Variants in DNHD1 observed in about 807,000 individuals in gnomAD.
DNHD1 encodes the protein dynein heavy chain domain-containing protein 1.
In DNHD1, 383 loss-of-function variants were observed where a neutral mutation model predicts 458.1. That is an observed-to-expected ratio of 0.84 (90% CI 0.77 to 0.91). The LOEUF is 0.91. DNHD1 is among the 40% of genes least tolerant of loss of function. The pLI is 0.00. For missense variants in DNHD1, 5,336 were observed against 5,866.1 expected (o/e 0.91, Z 2.95); for synonymous variants, 2,203 against 2,376.9 (o/e 0.93, Z 2.13).
chr11:6,528,410 T>C (rs1852757026), intron 10 of DNHD1, 112 bp from the exon 11 acceptor site: 107 of 989,220 alleles, frequency 1.1e-4, no homozygotes, highest in Non-Finnish European at 1.4e-4. Context: ...AATGGGTGTG[T>C]GTGTGTGTGT....
chr11:6,525,193 C>G (rs1852686142), intron 10 of DNHD1, among the ~76,000 whole-genome samples: 1 of 152,188 alleles, frequency 6.6e-6, no homozygotes, highest in African/African-American at 2.4e-5. Flanking sequence ...AGCTCTGTGT[C>G]TGACTCTCAC....
In DNHD1 at chr11:6,565,838, C is replaced by A; in HGVS notation, c.10900C>A (p.Gln3634Lys). Residue 3634 changes from glutamine to lysine, a missense_variant, in exon 33 of 43, where the codon CAA (glutamine) becomes AAA (lysine). Gln to Lys is a moderately conservative substitution (Grantham distance 53). This residue lies in a region of DNHD1 where 695 missense variants were observed against 804.2 expected (regional missense o/e 0.86). Coordinates refer to ENST00000254579, the MANE Select transcript of DNHD1 (RefSeq NM_144666.3). ...EERKNEQEKE[Q>K]EENEEKEEEK... ...AAGAAAAAATGAGCAGGAGAAAGAG[C>A]AAGAGGAAAATGAAGAGAAAGAGGA... 6.4e-7 allele frequency: 1 copy of A among 1,551,624 alleles called. No homozygotes were observed. Among genetic ancestry groups the A allele is most frequent in the Non-Finnish European group, 8.7e-7 (1 of 1,146,992 alleles).
chr11:6,562,534 T>C (rs187778769), intron 28 of DNHD1, among the ~76,000 whole-genome samples: 4 of 151,244 alleles, frequency 2.6e-5, no homozygotes, highest in African/African-American at 9.7e-5. Context: ...TCTGAAAAAA[T>C]TGATGAGGAA....
At chr11:6,529,528 G>C (rs541513714) in intron 12 of DNHD1, among the ~76,000 whole-genome samples, 21 of 152,208 alleles carry the variant, frequency 1.4e-4, no homozygotes, top group Non-Finnish European at 2.8e-4. Context: ...TCTACTGGTA[G>C]TGAAAGAATG....
At chr11:6,566,847 G>C in intron 35 of DNHD1, 48 bp from the exon 36 acceptor site, 1 of 1,599,596 alleles carries the variant, frequency 6.3e-7, no homozygotes. Flanking sequence ...TAGATGTTTG[G>C]GGTCTGTGGG....
intron 6 of DNHD1, among the ~76,000 whole-genome samples, chr11:6,509,848 T>C (rs1349819078): frequency 1.3e-5 from 2 of 152,174 alleles, no homozygotes; most frequent in African/African-American, 2.4e-5. Flanking sequence ...GCAGGAAGTA[T>C]TGAAGGAATG....
At position 6,498,456 on chromosome 11, in the gene DNHD1, T is replaced by C; in HGVS notation, c.241T>C (p.Trp81Arg). 1 of 1,614,190 alleles carries C rather than the reference T, an allele frequency of 6.2e-7. No individual in the cohort carries two copies. The highest frequency in any genetic ancestry group is 8.5e-7 in the Non-Finnish European group (1 of 1,180,032). ...AVLQDSSPAA[W>R]RYLHAVLGLL... ...GTTGCAGGACAGTAGCCCTGCAGCT[T>C]GGCGCTATCTTCATGCAGTACTGGG... is the stretch of plus-strand genomic sequence containing the variant. The change falls in exon 3 of 43, where the codon TGG becomes CGG. Residue 81 changes from tryptophan (W) to arginine (R), a missense_variant. Coordinates refer to ENST00000254579, the MANE Select transcript of DNHD1 (RefSeq NM_144666.3).
chr11:6,499,610 C>T (rs182313590), intron 3 of DNHD1, among the ~76,000 whole-genome samples: 136 of 152,242 alleles, frequency 8.9e-4, no homozygotes, highest in African/African-American at 3.1e-3. Flanking sequence ...CTCTGTCGCC[C>T]AGGCTGGAGT....
rs778752574 is a variant in DNHD1, at chr11:6,564,586, T to C, written c.10538T>C (p.Leu3513Ser). The change falls in exon 32 of 43, where the codon TTG (leucine) becomes TCG (serine). Residue 3513 changes from leucine (L) to serine (S), a missense_variant. Physicochemically the swap from Leu to Ser is moderately radical, Grantham distance 145. This residue lies in a region of DNHD1 where 3,932 missense variants were observed against 4,365.6 expected (regional missense o/e 0.90). Transcript: ENST00000254579. The stretch of plus-strand genomic sequence containing the variant: ...CACTCTCCCTTCAGTATTCTGTCCT[T>C]GCTGAGCTCTGAATCGGAGCAGTAC... The part of the protein sequence containing the change: ...ATHSPFSILS[L>S]LSSESEQYQW... 7 of 1,551,714 alleles carry C rather than the reference T, an allele frequency of 4.5e-6. No homozygotes were observed. In the East Asian group the frequency reaches 9.8e-5, roughly 22 times the overall value.
chr11:6,511,170 T>C (rs1177462581), intron 6 of DNHD1, 103 bp from the exon 7 acceptor site: 6 of 1,437,234 alleles, frequency 4.2e-6, no homozygotes, highest in East Asian at 4.6e-5. Flanking sequence ...ACAATCTCTA[T>C]AAATATTTGT....
intron 20 of DNHD1, 36 bp downstream of exon 20, chr11:6,544,707 G>C (rs1236187186): frequency 6.5e-7 from 1 of 1,546,816 alleles, no homozygotes; most frequent in Non-Finnish European, 8.8e-7. Flanking sequence ...GGGCAAGAAG[G>C]GTTCCTGAAT....
intron 12 of DNHD1, among the ~76,000 whole-genome samples, 169 bp from the exon 13 acceptor site, chr11:6,532,855 TCCC>T (rs997863739): frequency 1.2e-4 from 18 of 152,226 alleles, no homozygotes; most frequent in African/African-American, 4.3e-4. Flanking sequence ...TAGAGCACAG[TCCC>T]CAGTGCATAG....
At chr11:6,512,284 G>A (rs1411338456) in intron 7 of DNHD1, among the ~76,000 whole-genome samples, 6 of 142,758 alleles carry the variant, frequency 4.2e-5, no homozygotes, top group Admixed American at 7.1e-5. Context: ...GCAGTGGCGG[G>A]ATCTCGGCTC....
rs1852203470 is a variant in DNHD1 at position 6,505,039 on chromosome 11, C to T, written c.920+2113C>T. Among the ~76,000 whole-genome samples the T allele has an allele frequency of 6.6e-6, 1 of 151,914 alleles. No individual in the cohort carries two copies. The highest frequency in any genetic ancestry group is 1.5e-5 in the Non-Finnish European group (1 of 67,972). On this transcript the variant is annotated intron_variant, in intron 4 of 42. Coordinates refer to ENST00000254579, the MANE Select transcript of DNHD1 (RefSeq NM_144666.3). The surrounding 1 kb of genome is among the most constrained non-coding windows in gnomAD (Gnocchi z 4.4). Reference sequence around the variant, plus strand: ...AGATATGGGATCTCACTTTGTTGCTCAAGCTGGTCTCGAACTCCTGGGCTC... The same window carrying T: ...AGATATGGGATCTCACTTTGTTGCTTAAGCTGGTCTCGAACTCCTGGGCTC...
chr11:6,559,134 C>G, intron 27 of DNHD1, 28 bp downstream of exon 27: 2 of 1,551,640 alleles, frequency 1.3e-6, no homozygotes, highest in Non-Finnish European at 1.7e-6. Context: ...TGCAGTGTAC[C>G]TCCTTCTGCT....
chr11:6,506,337 T>TG (rs372273708), intron 4 of DNHD1, among the ~76,000 whole-genome samples: 56 of 152,334 alleles, frequency 3.7e-4, no homozygotes, highest in African/African-American at 1.3e-3. Flanking sequence ...TGTAGCCATT[T>TG]GGGGTCTCGA....
Position 6,519,718 on chromosome 11 carries a change from A to T in DNHD1, c.1511A>T (p.Glu504Val). Residue 504 changes from glutamate to valine, a missense_variant, in exon 8 of 43, where the codon GAG (glutamate) becomes GTG (valine). Physicochemically the swap from Glu to Val is moderately radical, Grantham distance 121. Transcript: ENST00000254579. ...CAGAGGGTACAGCACAAGCAACTGG[A>T]GCAGAAGCTGAAGCAAGCAGAGGCC... The part of the protein sequence containing the change: ...YLQRVQHKQL[E>V]QKLKQAEAWW... 6.2e-7 allele frequency: 1 copy of T among 1,614,186 alleles called. No individual in the cohort carries two copies. Among genetic ancestry groups the T allele is most frequent in the South Asian group, 1.1e-5 (1 of 91,080 alleles).
chr11:6,551,680 C>T (rs181529399), intron 24 of DNHD1, among the ~76,000 whole-genome samples: 64 of 152,306 alleles, frequency 4.2e-4, no homozygotes, highest in South Asian at 6.2e-4. Context: ...CTGTGGCTCA[C>T]GCCTGTAATC....
At chr11:6,559,819 T>C (rs370496353) in intron 28 of DNHD1, among the ~76,000 whole-genome samples, 1 of 152,326 alleles carries the variant, frequency 6.6e-6, no homozygotes, top group East Asian at 1.9e-4. Flanking sequence ...TCCTGAATTG[T>C]CTTACTCACC....
Sources: gnomAD v4.1 joint callset for allele counts (sites outside exome capture counted in the v4.1 genomes callset) on GRCh38, gnomAD v4.1.1 for gene constraint, gnomAD v4.1.1 regional missense constraint, Gnocchi (gnomAD v3.1) non-coding constraint, MANE v1.5 for transcripts, NCBI Gene and HGNC (gene_info 2026-07-23, HGNC 2026-07-21) for gene names.